Variants in PPP4R3B observed in about 807,000 individuals in gnomAD.
The protein encoded by PPP4R3B is serine/threonine-protein phosphatase 4 regulatory subunit 3B.
A neutral mutation model predicts 95.4 loss-of-function variants in PPP4R3B; 52 were observed. That is an observed-to-expected ratio of 0.54 (90% CI 0.44 to 0.69). The LOEUF (loss-of-function observed/expected upper bound fraction) is 0.69. Among genes scored for constraint, PPP4R3B ranks in the 30% least tolerant of loss-of-function variants. The pLI is 0.00. For missense variants in PPP4R3B, 1,003 were observed against 1,005.9 expected, an observed-to-expected ratio of 1.00 and a Z score of 0.04; for synonymous variants, 407 against 343.9, an observed-to-expected ratio of 1.18 and a Z score of -2.03.
intron 16 of PPP4R3B, among the ~76,000 whole-genome samples, chr2:55,550,676 C>A (rs1685148539): frequency 6.6e-6 from 1 of 152,086 alleles, no homozygotes; most frequent in Admixed American, 6.6e-5. Flanking sequence ...TTGAGCCAAT[C>A]CCATGAAAAC....
intron 12 of PPP4R3B, among the ~76,000 whole-genome samples, chr2:55,573,042 AAAG>A (rs1233863421): frequency 6.6e-6 from 1 of 152,236 alleles, no homozygotes; most frequent in Non-Finnish European, 1.5e-5. Context: ...GGTATGAAAA[AAAG>A]AAATAATGCA....
Position 55,547,612 on chromosome 2 carries a change from G to A in PPP4R3B, c.*2299C>T, listed in dbSNP as rs1199872828. 6.6e-6 allele frequency: 1 copy of A among 152,200 alleles called. No individual in the cohort carries two copies. The allele number at this position is 152,200 out of a possible 1,614,324, so 9.4% of individuals were successfully genotyped here. On this transcript the variant is annotated 3_prime_UTR_variant, in exon 17 of 17. Transcript: ENST00000616407. ...TTCTGCTACAAGAAAAGGTTCTGAT[G>A]ATTTAAATGTTTAAGACTTATGGCA...
chr2:55,558,117 A>C (rs1274646788), intron 16 of PPP4R3B, among the ~76,000 whole-genome samples: 1 of 152,160 alleles, frequency 6.6e-6, no homozygotes. Context: ...GCAAAGCTGC[A>C]ATTGGCCACG....
At chr2:55,588,724 C>A (rs539988823) in intron 5 of PPP4R3B, among the ~76,000 whole-genome samples, 155 bp downstream of exon 5, 77 of 152,188 alleles carry the variant, frequency 5.1e-4, no homozygotes, top group African/African-American at 1.8e-3. Context: ...TTTAGAAACT[C>A]TGAATAATCA....
intron 7 of PPP4R3B, among the ~76,000 whole-genome samples, chr2:55,582,906 T>A (rs1231005936): frequency 2.0e-5 from 3 of 152,152 alleles, no homozygotes; most frequent in African/African-American, 7.2e-5. Context: ...TCAAAGGCCA[T>A]TAATATAAAA....
chr2:55,561,401 C>T (rs983270031), intron 15 of PPP4R3B, among the ~76,000 whole-genome samples: 2 of 152,228 alleles, frequency 1.3e-5, no homozygotes, highest in Admixed American at 6.5e-5. Flanking sequence ...GGAGCCCCCA[C>T]ATAGAGTCCC....
At chr2:55,575,331 T>A (rs1688541422) in intron 11 of PPP4R3B, among the ~76,000 whole-genome samples, 1 of 152,214 alleles carries the variant, frequency 6.6e-6, no homozygotes, top group African/African-American at 2.4e-5. Context: ...AGGCTTTGGT[T>A]GATACATTCA....
At chr2:55,562,074 C>T (rs149153205) in intron 15 of PPP4R3B, among the ~76,000 whole-genome samples, 32 of 152,144 alleles carry the variant, frequency 2.1e-4, no homozygotes, top group African/African-American at 7.2e-4. Context: ...GGCAGAAAAC[C>T]CCCTTGCTAT....
chr2:55,604,185 G>T, intron 2 of PPP4R3B, 109 bp from the exon 3 acceptor site: 2 of 664,608 alleles, frequency 3.0e-6, no homozygotes, highest in Non-Finnish European at 4.9e-6. Flanking sequence ...CAAATGCCCC[G>T]ATATGAGTAA....
chr2:55,563,864 G>C (rs149494433), intron 15 of PPP4R3B, among the ~76,000 whole-genome samples: 3 of 152,096 alleles, frequency 2.0e-5, no homozygotes, highest in Non-Finnish European at 4.4e-5. Context: ...CACTTCTCTT[G>C]TTAGTATATC....
chr2:55,611,426 T>C (rs1394860093), intron 2 of PPP4R3B, among the ~76,000 whole-genome samples: 1 of 152,242 alleles, frequency 6.6e-6, no homozygotes, highest in Non-Finnish European at 1.5e-5. Context: ...TGTTGTATCA[T>C]ATAATGATTC....
chr2:55,584,750 C>T lies in PPP4R3B; in HGVS notation c.1233+301G>A, dbSNP rs79288532. On this transcript the variant is annotated intron_variant, in intron 7 of 16. Transcript: ENST00000616407. ...CTAGGTAAGTACCTGACCTGTAGAT[C>T]TCCTAAGGCTTGAAATTACATTTCA... Among the ~76,000 whole-genome samples the T allele has an allele frequency of 3.7e-4, 56 of 152,270 alleles. No homozygotes were observed. The East Asian group carries it at 0.011, about 29-fold the overall frequency.
intron 1 of PPP4R3B, chr2:55,616,614 A>G (rs1694966313): frequency 6.6e-6 from 1 of 152,316 alleles, no homozygotes. Flanking sequence ...CTACAGATGT[A>G]TGTGCTTGTG....
rs1202397965 is a variant in PPP4R3B at position 55,578,389 on chromosome 2, T to C, written c.1469-47A>G. 20 of 1,271,612 alleles carry C rather than the reference T, an allele frequency of 1.6e-5. No homozygotes were observed. In the South Asian group the frequency reaches 5.3e-4, roughly 34 times the overall value. The allele number at this position is 1,271,612 out of a possible 1,614,324, so 78.8% of individuals were successfully genotyped here. Reference sequence around the variant, plus strand: ...TAGTTTTGATAAAGCCAACAGGGAGTATATGAGTGTCTGTTATATTATTAT... The same window carrying C: ...TAGTTTTGATAAAGCCAACAGGGAGCATATGAGTGTCTGTTATATTATTAT... On this transcript the variant is annotated intron_variant, in intron 9 of 16. Coordinates refer to ENST00000616407, the MANE Select transcript of PPP4R3B (RefSeq NM_001122964.3).
chr2:55,613,353 C>CT (rs1260206599), intron 2 of PPP4R3B, among the ~76,000 whole-genome samples: 1 of 135,854 alleles, frequency 7.4e-6, no homozygotes, highest in African/African-American at 3.0e-5. Context: ...TGTTATGTTG[C>CT]CAAAAAAAAA....
Position 55,577,315 on chromosome 2 carries a change from C to A in PPP4R3B, c.1606G>T (p.Asp536Tyr). 1 of 1,546,264 alleles carries A rather than the reference C, an allele frequency of 6.5e-7. No individual in the cohort carries two copies. Among genetic ancestry groups the A allele is most frequent in the South Asian group, 1.3e-5 (1 of 78,758 alleles). Reference sequence around the variant, plus strand: ...TCATAAAGTATGAATTCATACTTACCGGGACAAATTGTGTTGTTTTTGTTT... The same window carrying A: ...TCATAAAGTATGAATTCATACTTACAGGGACAAATTGTGTTGTTTTTGTTT... ...GSNKNNTICPDNYQTAQLLAL... is the reference protein window; with the variant it reads ...GSNKNNTICPYNYQTAQLLAL... Residue 536 changes from aspartate (D) to tyrosine (Y), a missense_variant and splice_region_variant, in exon 11 of 17, where the codon GAT becomes TAT. By Grantham distance (160) the Asp-to-Tyr change is radical. Around this residue, in one of 3 missense-constraint regions of PPP4R3B, gnomAD observed 695 missense variants for 686.2 expected, o/e 1.01. Transcript: ENST00000616407.
chr2:55,582,413 C>A (rs1389320791), intron 7 of PPP4R3B, among the ~76,000 whole-genome samples: 1 of 152,250 alleles, frequency 6.6e-6, no homozygotes, highest in African/African-American at 2.4e-5. Flanking sequence ...GCCACCATGC[C>A]TGACTAATTT....
chr2:55,563,836 G>C (rs1451206193), intron 15 of PPP4R3B, among the ~76,000 whole-genome samples: 2 of 152,146 alleles, frequency 1.3e-5, no homozygotes, highest in Non-Finnish European at 2.9e-5. Flanking sequence ...CTGAAAGCCA[G>C]GGGAAGTTTT....
intron 2 of PPP4R3B, among the ~76,000 whole-genome samples, chr2:55,612,287 T>C (rs1694273433): frequency 6.6e-6 from 1 of 152,218 alleles, no homozygotes; most frequent in Admixed American, 6.5e-5. Flanking sequence ...AGACTTCATG[T>C]GATATTTGGA....
Sources: allele counts gnomAD v4.1 joint callset (sites outside exome capture counted in the v4.1 genomes callset), GRCh38; gene constraint gnomAD v4.1.1; regional missense constraint gnomAD v4.1.1; transcripts MANE v1.5; gene names NCBI Gene and HGNC (gene_info 2026-07-23, HGNC 2026-07-21).